UNC5D: variants seen among roughly 807,000 people sequenced by gnomAD.
The protein encoded by UNC5D is netrin receptor UNC5D.
UNC5D carries 39 observed loss-of-function variants against 105.4 expected under a neutral mutation model. That is an observed-to-expected ratio of 0.37 (90% CI 0.29 to 0.48). UNC5D has a LOEUF of 0.48. UNC5D is among the 20% of genes least tolerant of loss of function. The pLI is 0.98. For missense variants in UNC5D, 991 were observed against 1,202.4 expected (o/e 0.82, Z 2.60); for synonymous variants, 452 against 450.4 (o/e 1.00, Z -0.04).
intron 1 of UNC5D, among the ~76,000 whole-genome samples, chr8:35,241,684 T>G (rs571073530): frequency 1.6e-4 from 25 of 152,228 alleles, no homozygotes; most frequent in African/African-American, 6.0e-4. Context: ...TATTTTTAAA[T>G]TTTAACACTT....
At chr8:35,368,659 G>A (rs1214711294) in intron 1 of UNC5D, among the ~76,000 whole-genome samples, 5 of 151,780 alleles carry the variant, frequency 3.3e-5, no homozygotes, top group South Asian at 2.1e-4. Context: ...TGAATGTTGC[G>A]TCTCTTTAAA....
At chr8:35,429,496 C>A (rs980982603) in intron 1 of UNC5D, among the ~76,000 whole-genome samples, 1 of 152,026 alleles carries the variant, frequency 6.6e-6, no homozygotes, top group African/African-American at 2.4e-5. Context: ...GATGTCAGAG[C>A]ATAAGTATAC....
intron 1 of UNC5D, among the ~76,000 whole-genome samples, chr8:35,378,009 T>C (rs1393113843): frequency 6.6e-6 from 1 of 152,158 alleles, no homozygotes; most frequent in Non-Finnish European, 1.5e-5. Context: ...CTTTGTATAA[T>C]GTTTGGTTCC....
rs1806209144 is a variant in UNC5D, at chr8:35,425,763, G to A, written c.104-123529G>A. On this transcript the variant is annotated intron_variant, in intron 1 of 16. Transcript: ENST00000404895. Reference sequence around the variant, plus strand: ...ATATATTGGCAGGCTCTGAATTTGTGAGGGTTTGTTTTCTGGTTAAGTAAC... The same window carrying A: ...ATATATTGGCAGGCTCTGAATTTGTAAGGGTTTGTTTTCTGGTTAAGTAAC... 2.0e-5 allele frequency among the ~76,000 whole-genome samples: 3 copies of A among 152,100 alleles called. No homozygotes were observed. The South Asian group carries it at 6.2e-4, about 32-fold the overall frequency.
At chr8:35,391,945 A>C (rs528569222) in intron 1 of UNC5D, among the ~76,000 whole-genome samples, 1 of 152,296 alleles carries the variant, frequency 6.6e-6, no homozygotes, top group African/African-American at 2.4e-5. Flanking sequence ...GGGACTGAAG[A>C]CTATAGTGGA....
chr8:35,794,802 G>A lies in UNC5D; in HGVS notation c.*4239G>A, dbSNP rs968579241. The A allele has an allele frequency of 6.6e-6, 1 of 152,196 alleles. No homozygotes were observed. The highest frequency in any genetic ancestry group is 1.5e-5 in the Non-Finnish European group (1 of 68,030). 9.4% of individuals were successfully genotyped at this position (152,196 alleles called of 1,614,324 possible). A position where few individuals can be genotyped will look rare whatever the true frequency, so the allele number is the denominator to read the frequency against. ...GAGCCAGTGTCTACCATGAACTCCT[G>A]ACATCCCCACTCCAGGGTCATTCAT... On this transcript the variant is annotated 3_prime_UTR_variant, in exon 17 of 17. Transcript: ENST00000404895.
chr8:35,755,472 G>A (rs1201841819), intron 13 of UNC5D, among the ~76,000 whole-genome samples: 1 of 148,096 alleles, frequency 6.8e-6, no homozygotes, highest in African/African-American at 2.6e-5. Flanking sequence ...GACATAATTT[G>A]TGTGTATGTG....
At chr8:35,570,414 A>G (rs1041017446) in intron 3 of UNC5D, among the ~76,000 whole-genome samples, 2 of 152,212 alleles carry the variant, frequency 1.3e-5, no homozygotes, top group African/African-American at 2.4e-5. Flanking sequence ...AAGTTAAACT[A>G]TATCTAAAAC....
chr8:35,305,903 C>G lies in UNC5D; in HGVS notation c.103+70016C>G, dbSNP rs542420683. ...TTTCTTTCTTTCTTTTTCTCTCTTT[C>G]TTTTTCTTTCATTCTTTTCTCTCTC... is the stretch of plus-strand genomic sequence containing the variant. On this transcript the variant is annotated intron_variant, in intron 1 of 16. Transcript: ENST00000404895. Among the ~76,000 whole-genome samples the G allele has an allele frequency of 1.3e-4, 15 of 113,364 alleles. No homozygotes were observed. The South Asian group carries it at 4.7e-3, about 36-fold the overall frequency. The allele number at this position is 113,364 out of a possible 152,430, so 74.4% of individuals were successfully genotyped here.
At chr8:35,655,469 C>T (rs944027437) in intron 4 of UNC5D, among the ~76,000 whole-genome samples, 5 of 152,186 alleles carry the variant, frequency 3.3e-5, no homozygotes, top group African/African-American at 1.2e-4. Context: ...TGTATTTCAG[C>T]TGCTCTATTA....
chr8:35,409,846 TTA>T (rs1563389874), intron 1 of UNC5D, among the ~76,000 whole-genome samples: 1 of 152,044 alleles, frequency 6.6e-6, no homozygotes, highest in African/African-American at 2.4e-5. Flanking sequence ...TAAAGAAATA[TTA>T]TAGATTTACA....
chr8:35,585,700 G>A (rs1201753320), intron 3 of UNC5D, among the ~76,000 whole-genome samples: 2 of 151,822 alleles, frequency 1.3e-5, no homozygotes, highest in Non-Finnish European at 2.9e-5. Flanking sequence ...TGAAGGATAT[G>A]ATCTTTGTTG....
At chr8:35,279,105 A>G (rs1805972371) in intron 1 of UNC5D, among the ~76,000 whole-genome samples, 1 of 152,180 alleles carries the variant, frequency 6.6e-6, no homozygotes, top group African/African-American at 2.4e-5. Flanking sequence ...GTCGAACTCC[A>G]GCAGAAACTC....
rs889180434 is a variant in UNC5D, at chr8:35,790,696, G to A, written c.*133G>A. On this transcript the variant is annotated 3_prime_UTR_variant, in exon 17 of 17. Transcript: ENST00000404895. ...TTATAATCAGTGAGATTCCCCTGTTGAAGAAACTAAATTTTATATAGGTAA... is the reference window on the plus strand; with the variant it reads ...TTATAATCAGTGAGATTCCCCTGTTAAAGAAACTAAATTTTATATAGGTAA... The A allele has an allele frequency of 9.5e-6, 9 of 950,798 alleles. No individual in the cohort carries two copies. Among genetic ancestry groups the A allele is most frequent in the South Asian group, 3.1e-5 (2 of 63,594 alleles). The allele number at this position is 950,798 out of a possible 1,614,324, so 58.9% of individuals were successfully genotyped here. A position where few individuals can be genotyped will look rare whatever the true frequency, so the allele number is the denominator to read the frequency against.
chr8:35,457,354 C>T (rs1052054623), intron 1 of UNC5D, among the ~76,000 whole-genome samples: 7 of 147,222 alleles, frequency 4.8e-5, no homozygotes, highest in African/African-American at 1.9e-4. Flanking sequence ...ATTTTGATTC[C>T]TTACCCTGTA....
chr8:35,614,510 G>GTGTGTGTCTA (rs2130996064), intron 4 of UNC5D, among the ~76,000 whole-genome samples: 1 of 152,008 alleles, frequency 6.6e-6, no homozygotes, highest in African/African-American at 2.4e-5. Flanking sequence ...GAGGACCTTT[G>GTGTGTGTCTA]CAGAAAGCCA....
chr8:35,560,538 G>A (rs1474955453), intron 2 of UNC5D, among the ~76,000 whole-genome samples: 1 of 152,192 alleles, frequency 6.6e-6, no homozygotes, highest in East Asian at 1.9e-4. Flanking sequence ...ATTTGAGAAA[G>A]AATGTATTTA....
At chr8:35,715,456 T>C (rs1828204485) in intron 8 of UNC5D, among the ~76,000 whole-genome samples, 1 of 152,248 alleles carries the variant, frequency 6.6e-6, no homozygotes, top group African/African-American at 2.4e-5. Context: ...CTTATATATG[T>C]ATTACTTCTA....
chr8:35,753,634 T>G (rs1264345032), intron 13 of UNC5D, among the ~76,000 whole-genome samples: 3 of 152,318 alleles, frequency 2.0e-5, no homozygotes, highest in East Asian at 1.9e-4. Flanking sequence ...TTGACCCCAT[T>G]TGTCCTAATC....
Sources: allele counts gnomAD v4.1 joint callset (sites outside exome capture counted in the v4.1 genomes callset), GRCh38; gene constraint gnomAD v4.1.1; transcripts MANE v1.5; gene names NCBI Gene and HGNC (gene_info 2026-07-23, HGNC 2026-07-21).